The following TMEM108 variants were observed in gnomAD, a reference collection of about 807,000 sequenced individuals.
The protein encoded by TMEM108 is transmembrane protein 108.
In TMEM108, 12 loss-of-function variants were observed where a neutral mutation model predicts 35.1. That is an observed-to-expected ratio of 0.34 (90% CI 0.22 to 0.55). The LOEUF (loss-of-function observed/expected upper bound fraction) is 0.55. TMEM108 is among the 20% of genes least tolerant of loss of function. The probability of loss-of-function intolerance (pLI) is 0.89; values close to 1 mark genes in which losing one functional copy is unlikely to be tolerated. For missense variants in TMEM108, 680 were observed against 753.3 expected (o/e 0.90, Z 1.14); for synonymous variants, 287 against 308.6 (o/e 0.93, Z 0.73).
intron 2 of TMEM108, among the ~76,000 whole-genome samples, chr3:133,099,166 G>A (rs568936991): frequency 6.6e-6 from 1 of 152,338 alleles, no homozygotes; most frequent in South Asian, 2.1e-4. Context: ...TGCACCTGCA[G>A]GCTCAACACC....
chr3:133,147,198 C>A (rs1457075979), intron 2 of TMEM108, among the ~76,000 whole-genome samples: 2 of 152,106 alleles, frequency 1.3e-5, no homozygotes, highest in East Asian at 3.9e-4. Context: ...TTATTTATTT[C>A]TGCCTTAATT....
At chr3:133,167,100 TC>T (rs1945051564) in intron 2 of TMEM108, among the ~76,000 whole-genome samples, 1 of 152,132 alleles carries the variant, frequency 6.6e-6, no homozygotes, top group African/African-American at 2.4e-5. Flanking sequence ...GTGTTTACAA[TC>T]CTTTAGCTAG....
intron 1 of TMEM108, among the ~76,000 whole-genome samples, chr3:133,040,198 G>GTTT (rs1399279689): frequency 5.7e-5 from 7 of 122,020 alleles, no homozygotes; most frequent in Admixed American, 9.5e-5. Flanking sequence ...TTTTTTGTTT[G>GTTT]TTTGTTTGTT....
In TMEM108 at chr3:133,234,278, C is replaced by A. The variant is rs191041891; in HGVS notation, c.40+4927C>A. Among the ~76,000 whole-genome samples the A allele has an allele frequency of 6.1e-3, 935 of 152,234 alleles. 11 individuals are homozygous for A. Among genetic ancestry groups the A allele is most frequent in the African/African-American group, 0.021 (883 of 41,538 alleles). The stretch of plus-strand genomic sequence containing the variant: ...ACATATGGCTAGCCAGTTTTCCCAG[C>A]ACCATTTATTAAATAGGGAATCTCT... On this transcript the variant is annotated intron_variant, in intron 3 of 5. Coordinates refer to ENST00000321871, the MANE Select transcript of TMEM108 (RefSeq NM_023943.4).
chr3:133,064,372 C>T (rs1170906056), intron 2 of TMEM108, among the ~76,000 whole-genome samples: 1 of 152,112 alleles, frequency 6.6e-6, no homozygotes, highest in Non-Finnish European at 1.5e-5. Flanking sequence ...TTAATAAATC[C>T]TTACTGTCTC....
At chr3:133,109,490 C>T (rs972647980) in intron 2 of TMEM108, among the ~76,000 whole-genome samples, 1 of 151,970 alleles carries the variant, frequency 6.6e-6, no homozygotes, top group African/African-American at 2.4e-5. Flanking sequence ...AATTGAGGTA[C>T]TGTGTATCTC....
At chr3:133,386,301 T>C in intron 4 of TMEM108, 1 of 1,107,738 alleles carries the variant, frequency 9.0e-7, no homozygotes, top group Non-Finnish European at 1.3e-6. Flanking sequence ...TTATTCATCT[T>C]ATTGTTTTTA....
rs528719711 is a variant in TMEM108 at position 133,229,442 on chromosome 3, G to A, written c.40+91G>A. Reference sequence around the variant, plus strand: ...AACTTACTTTTTGGACGGAGACCAGGGTTGGATCGGTGAAAGAGGACAGTA... The same window carrying A: ...AACTTACTTTTTGGACGGAGACCAGAGTTGGATCGGTGAAAGAGGACAGTA... On this transcript the variant is annotated intron_variant, in intron 3 of 5. Coordinates refer to ENST00000321871, the MANE Select transcript of TMEM108 (RefSeq NM_023943.4). The A allele has an allele frequency of 1.9e-4, 231 of 1,226,732 alleles. 3 individuals carry two copies. In the South Asian group the frequency reaches 3.0e-3, roughly 16 times the overall value. The allele number at this position is 1,226,732 out of a possible 1,614,324, so 76.0% of individuals were successfully genotyped here. A position where few individuals can be genotyped will look rare whatever the true frequency, so the allele number is the denominator to read the frequency against.
rs77338191 is a variant in TMEM108 at position 133,171,664 on chromosome 3, G to T, written c.-46-57602G>T. Among the ~76,000 whole-genome samples, 1,481 of 152,242 alleles carry T rather than the reference G, an allele frequency of 9.7e-3. 26 individuals carry two copies. Among genetic ancestry groups the T allele is most frequent in the African/African-American group, 0.033 (1,377 of 41,534 alleles). ...TAGGGTGATATATATTAGTTTACTC[G>T]CATCTTTTATTAGAGACTCTTCTAT... is the stretch of plus-strand genomic sequence containing the variant. On this transcript the variant is annotated intron_variant, in intron 2 of 5. Coordinates refer to ENST00000321871, the MANE Select transcript of TMEM108 (RefSeq NM_023943.4).
intron 3 of TMEM108, among the ~76,000 whole-genome samples, chr3:133,322,770 A>G (rs1487996922): frequency 1.3e-5 from 2 of 152,222 alleles, no homozygotes; most frequent in Admixed American, 6.5e-5. Flanking sequence ...AAACATCAAC[A>G]AAATACTAGC....
chr3:133,242,500 T>G (rs1324604949), intron 3 of TMEM108, among the ~76,000 whole-genome samples: 3 of 152,112 alleles, frequency 2.0e-5, no homozygotes, highest in Admixed American at 6.5e-5. Context: ...AAAACCAATG[T>G]GTTGAGCTGG....
chr3:133,103,137 A>G lies in TMEM108; in HGVS notation c.-47+57117A>G, dbSNP rs183443330. Among the ~76,000 whole-genome samples the G allele has an allele frequency of 3.0e-3, 450 of 152,296 alleles. 1 individual carries two copies. In the Middle Eastern group the frequency reaches 0.037, roughly 13 times the overall value. Reference sequence around the variant, plus strand: ...CTCTTATAAAGACGCATGCACACCTATGTTCATTGAAGCACTATTCACAAT... The same window carrying G: ...CTCTTATAAAGACGCATGCACACCTGTGTTCATTGAAGCACTATTCACAAT... On this transcript the variant is annotated intron_variant, in intron 2 of 5. Coordinates refer to ENST00000321871, the MANE Select transcript of TMEM108 (RefSeq NM_023943.4).
intron 3 of TMEM108, among the ~76,000 whole-genome samples, chr3:133,300,376 T>G (rs1029987207): frequency 6.6e-6 from 1 of 152,124 alleles, no homozygotes; most frequent in African/African-American, 2.4e-5. Context: ...GAATTAGGTT[T>G]ATCACCCCAC....
chr3:133,214,938 C>A (rs1348755978), intron 2 of TMEM108, among the ~76,000 whole-genome samples: 1 of 152,102 alleles, frequency 6.6e-6, no homozygotes, highest in Non-Finnish European at 1.5e-5. Context: ...CCATGTCCCC[C>A]ACCCCAGGTC....
At chr3:133,170,215 A>G (rs1002101774) in intron 2 of TMEM108, among the ~76,000 whole-genome samples, 3 of 152,246 alleles carry the variant, frequency 2.0e-5, no homozygotes, top group Non-Finnish European at 2.9e-5. Context: ...CTCAGTTTAC[A>G]TAACTGTTAT....
chr3:133,233,886 T>C (rs1256747112), intron 3 of TMEM108, among the ~76,000 whole-genome samples: 5 of 147,846 alleles, frequency 3.4e-5, no homozygotes, highest in Non-Finnish European at 7.4e-5. Flanking sequence ...TTGATGGGGT[T>C]GTTTGTTTTT....
chr3:133,268,301 C>T (rs901984438), intron 3 of TMEM108, among the ~76,000 whole-genome samples: 1 of 152,146 alleles, frequency 6.6e-6, no homozygotes, highest in Non-Finnish European at 1.5e-5. Context: ...GCAGTTGTGG[C>T]ATAGAAATAT....
At chr3:133,092,237 G>A (rs554890512) in intron 2 of TMEM108, among the ~76,000 whole-genome samples, 7 of 152,150 alleles carry the variant, frequency 4.6e-5, no homozygotes, top group Non-Finnish European at 8.8e-5. Flanking sequence ...AGCCTGACAA[G>A]GAACCAGCTA....
chr3:133,086,653 T>A (rs1943886022), intron 2 of TMEM108, among the ~76,000 whole-genome samples: 1 of 152,166 alleles, frequency 6.6e-6, no homozygotes, highest in African/African-American at 2.4e-5. Flanking sequence ...CAAGATAGGG[T>A]CCTGCTTTCA....
Sources: gnomAD v4.1 joint callset for allele counts (sites outside exome capture counted in the v4.1 genomes callset) on GRCh38, gnomAD v4.1.1 for gene constraint, MANE v1.5 for transcripts, NCBI Gene and HGNC (gene_info 2026-07-23, HGNC 2026-07-21) for gene names.